CELF2: variants seen among roughly 807,000 people sequenced by gnomAD.
CELF2 encodes the protein CUG triplet repeat RNA-binding protein 2.
Under a neutral mutation model 62.6 loss-of-function variants are expected in CELF2, and 8 were observed. The observed-to-expected ratio is 0.13, with a 90% CI of 0.07 to 0.23. The LOEUF (loss-of-function observed/expected upper bound fraction) is 0.23, where lower values mean the gene tolerates loss of function less well. Among genes scored for constraint, CELF2 ranks in the 10% least tolerant of loss-of-function variants. The pLI, the probability that CELF2 is intolerant of heterozygous loss-of-function variation, is 1.00. For missense variants in CELF2, 333 were observed against 671.0 expected (o/e 0.50, Z 5.56); for synonymous variants, 258 against 250.0 (o/e 1.03, Z -0.30).
Position 11,207,375 on chromosome 10 carries a change from G to A in CELF2, c.272-10050G>A, listed in dbSNP as rs746665726. On this transcript the variant is annotated intron_variant, in intron 2 of 12. Coordinates refer to ENST00000633077, the MANE Select transcript of CELF2 (RefSeq NM_001326342.2). The surrounding 1 kb of genome is among the most constrained non-coding windows in gnomAD (Gnocchi z 4.1). The stretch of plus-strand genomic sequence containing the variant: ...CCCCAGGGCAACAGGAGGCTGCCAG[G>A]GGCCTGGATCTTGTGGCCAGTTGAC... Among the ~76,000 whole-genome samples, 1 of 152,208 alleles carries A rather than the reference G, an allele frequency of 6.6e-6. No homozygotes were observed. The highest frequency in any genetic ancestry group is 1.5e-5 in the Non-Finnish European group (1 of 68,038).
chr10:11,142,556 C>T (rs753610159), intron 1 of CELF2, among the ~76,000 whole-genome samples: 72 of 151,746 alleles, frequency 4.7e-4, no homozygotes, highest in Non-Finnish European at 7.1e-4. Context: ...ATGGTGGCGG[C>T]GCCTGTAATC....
intron 8 of CELF2, among the ~76,000 whole-genome samples, chr10:11,286,950 G>A (rs1475347757): frequency 6.6e-6 from 1 of 152,208 alleles, no homozygotes. Context: ...AACCAAGACA[G>A]GAGGAACTTT....
At chr10:10,975,244 A>C (rs990630408) in intron 2 of CELF2, among the ~76,000 whole-genome samples, 1 of 152,278 alleles carries the variant, frequency 6.6e-6, no homozygotes, top group Middle Eastern at 3.4e-3. Context: ...CAGCCTCTGG[A>C]GTAGCTGGGA....
chr10:10,712,147 C>CAAAAAAAAAAAAAAAA, the CELF2 span, among the ~76,000 whole-genome samples: 1 of 43,422 alleles, frequency 2.3e-5, no homozygotes, highest in Admixed American at 3.4e-4. Flanking sequence ...AGGATAGAGA[C>CAAAAAAAAAAAAAAAA]AAAAAAAAAA....
intron 1 of CELF2, among the ~76,000 whole-genome samples, chr10:11,115,847 T>G (rs1167082853): frequency 6.6e-6 from 1 of 152,220 alleles, no homozygotes; most frequent in African/African-American, 2.4e-5. Flanking sequence ...CAGGAATCGA[T>G]TTTATGCATG....
intron 1 of CELF2, among the ~76,000 whole-genome samples, chr10:10,890,195 T>C (rs780657460): frequency 2.4e-4 from 36 of 152,166 alleles, no homozygotes; most frequent in Non-Finnish European, 3.8e-4. Context: ...ATATATCAGG[T>C]TTGAAGATGA....
At chr10:11,044,597 T>G (rs1287613725) in intron 1 of CELF2, among the ~76,000 whole-genome samples, 1 of 152,214 alleles carries the variant, frequency 6.6e-6, no homozygotes, top group Non-Finnish European at 1.5e-5. Context: ...GTACCAGAGA[T>G]TATGATGGTA....
At chr10:11,054,793 C>T (rs928278123) in intron 1 of CELF2, among the ~76,000 whole-genome samples, 12 of 152,160 alleles carry the variant, frequency 7.9e-5, no homozygotes, top group South Asian at 2.1e-4. Context: ...TGGCTCACTG[C>T]GACATCCGCC....
intron 1 of CELF2, among the ~76,000 whole-genome samples, chr10:11,148,330 TCA>T (rs1170246401): frequency 6.6e-6 from 1 of 152,224 alleles, no homozygotes; most frequent in Non-Finnish European, 1.5e-5. Context: ...GTGCCTGCCT[TCA>T]CACAGCGTGT....
chr10:11,136,014 A>C (rs531893441), intron 1 of CELF2, among the ~76,000 whole-genome samples: 1 of 152,302 alleles, frequency 6.6e-6, no homozygotes, highest in African/African-American at 2.4e-5. Flanking sequence ...CTGGTGGACT[A>C]TAATATACAG....
At chr10:10,747,800 G>A in the CELF2 span, among the ~76,000 whole-genome samples, 1 of 152,216 alleles carries the variant, frequency 6.6e-6, no homozygotes, top group African/African-American at 2.4e-5. Flanking sequence ...TCCGCTTCCA[G>A]GGTTCATGCC....
At chr10:10,772,197 G>A in the CELF2 span, among the ~76,000 whole-genome samples, 1 of 152,082 alleles carries the variant, frequency 6.6e-6, no homozygotes, top group Non-Finnish European at 1.5e-5. Context: ...AGACTGTTCT[G>A]AGGATCTGTT....
chr10:11,190,746 C>G (rs1416036375), intron 2 of CELF2, among the ~76,000 whole-genome samples: 1 of 126,938 alleles, frequency 7.9e-6, no homozygotes, highest in Non-Finnish European at 1.6e-5. Context: ...TTTTGACTCT[C>G]AGTGGCTGGG....
rs2064579414 is a variant in CELF2, at chr10:11,220,623, G to T, written c.354+3116G>T. ...CTCTTACTGGGTAACCAAAGAAGAC[G>T]CTCTGTTTTACATCCCCTGAAATTC... On this transcript the variant is annotated intron_variant, in intron 3 of 12. Transcript: ENST00000633077. The surrounding 1 kb of genome is among the most constrained non-coding windows in gnomAD (Gnocchi z 4.4). 6.6e-6 allele frequency among the ~76,000 whole-genome samples: 1 copy of T among 152,120 alleles called. No individual in the cohort carries two copies. The highest frequency in any genetic ancestry group is 2.1e-4 in the South Asian group (1 of 4,830).
At chr10:10,804,527 T>G (rs1269565525) in intron 1 of CELF2, among the ~76,000 whole-genome samples, 4 of 152,218 alleles carry the variant, frequency 2.6e-5, no homozygotes, top group Non-Finnish European at 5.9e-5. Flanking sequence ...GGAGCCCTGG[T>G]GATATTTCAA....
At chr10:10,752,315 A>T in the CELF2 span, among the ~76,000 whole-genome samples, 1 of 152,226 alleles carries the variant, frequency 6.6e-6, no homozygotes, top group South Asian at 2.1e-4. Context: ...GCAAGTGGAT[A>T]GCTGCAGCTT....
At position 11,281,735 on chromosome 10, in the gene CELF2, C is replaced by A. The variant is rs544230098; in HGVS notation, c.841+6615C>A. On this transcript the variant is annotated intron_variant, in intron 8 of 12. Coordinates refer to ENST00000633077, the MANE Select transcript of CELF2 (RefSeq NM_001326342.2). ...ACTCCAGCCCGGTGACGGAGCAAGACCCTGTCTCAAAAAATATATATGTAT... is the reference window on the plus strand; with the variant it reads ...ACTCCAGCCCGGTGACGGAGCAAGAACCTGTCTCAAAAAATATATATGTAT... Among the ~76,000 whole-genome samples the A allele has an allele frequency of 8.5e-4, 129 of 152,252 alleles. 1 individual carries two copies. Among genetic ancestry groups the A allele is most frequent in the African/African-American group, 3.0e-3 (126 of 41,524 alleles).
intron 1 of CELF2, among the ~76,000 whole-genome samples, chr10:11,089,896 A>G (rs1398785688): frequency 6.6e-6 from 1 of 152,208 alleles, no homozygotes; most frequent in African/African-American, 2.4e-5. Flanking sequence ...GTTGGAGGCC[A>G]TTATCCTAAG....
At chr10:10,587,355 G>A in the CELF2 span, among the ~76,000 whole-genome samples, 1 of 151,956 alleles carries the variant, frequency 6.6e-6, no homozygotes, top group East Asian at 1.9e-4. Flanking sequence ...TTTCCTACTT[G>A]AACCCAAACG....
Sources: gnomAD v4.1 joint callset for allele counts (sites outside exome capture counted in the v4.1 genomes callset) on GRCh38, gnomAD v4.1.1 for gene constraint, Gnocchi (gnomAD v3.1) non-coding constraint, MANE v1.5 for transcripts, NCBI Gene and HGNC (gene_info 2026-07-23, HGNC 2026-07-21) for gene names.